SEC24B: variants seen among roughly 807,000 people sequenced by gnomAD.
SEC24B encodes SEC24 homolog B, COPII component, also known as protein transport protein Sec24B.
A neutral mutation model predicts 142.8 loss-of-function variants in SEC24B; 45 were observed. The ratio of observed to expected loss-of-function variants is 0.32; its 90% CI spans 0.25 to 0.40. The LOEUF is 0.40. Ranked by LOEUF, SEC24B falls within the 10% of genes least tolerant of loss-of-function variation. The pLI, the probability that SEC24B is intolerant of heterozygous loss-of-function variation, is 1.00. For synonymous variants in SEC24B, 574 were observed against 568.2 expected, an observed-to-expected ratio of 1.01 and a Z score of -0.15; for missense variants, 1,409 against 1,526.8, an observed-to-expected ratio of 0.92 and a Z score of 1.29.
chr4:109,516,049 A>AG (rs1722826398), intron 10 of SEC24B, among the ~76,000 whole-genome samples: 2 of 129,228 alleles, frequency 1.5e-5, no homozygotes. Flanking sequence ...CTCTGTCTCC[A>AG]AAAAAAAGAA....
chr4:109,521,105 T>C lies in SEC24B; in HGVS notation c.2246-12T>C, dbSNP rs760017729. ...TTCGATTTGTTGATTAAAATATGTG[T>C]TTTCCCTATAGATGTTTTTCTACCT... On this transcript the variant is annotated splice_polypyrimidine_tract_variant and intron_variant, in intron 12 of 23. Transcript: ENST00000265175. The C allele has an allele frequency of 8.8e-6, 13 of 1,471,250 alleles. No individual in the cohort carries two copies. The highest frequency in any genetic ancestry group is 1.1e-5 in the Non-Finnish European group (12 of 1,056,118). 91.1% of individuals were successfully genotyped at this position (1,471,250 alleles called of 1,614,324 possible).
intron 10 of SEC24B, among the ~76,000 whole-genome samples, chr4:109,515,751 A>G (rs1398669379): frequency 1.3e-5 from 2 of 152,108 alleles, no homozygotes; most frequent in African/African-American, 2.4e-5. Context: ...CAAAGAATGT[A>G]TTTAAAGGCC....
intron 2 of SEC24B, among the ~76,000 whole-genome samples, chr4:109,469,622 A>G (rs1392829429): frequency 1.3e-5 from 2 of 152,250 alleles, no homozygotes; most frequent in Non-Finnish European, 2.9e-5. Context: ...AATCTGAAGG[A>G]TAAAGTCTCC....
At chr4:109,484,209 C>G (rs1734113771) in intron 4 of SEC24B, among the ~76,000 whole-genome samples, 1 of 152,170 alleles carries the variant, frequency 6.6e-6, no homozygotes, top group Non-Finnish European at 1.5e-5. Flanking sequence ...CTTTCCTTGC[C>G]TTTACATTTT....
chr4:109,522,440 A>T (rs34502105), intron 14 of SEC24B, among the ~76,000 whole-genome samples: 1 of 152,188 alleles, frequency 6.6e-6, no homozygotes, highest in Admixed American at 6.5e-5. Context: ...GAAATCATTT[A>T]GTCTAACTTT....
chr4:109,461,966 T>G lies in SEC24B; in HGVS notation c.134-935T>G, dbSNP rs537135747. Among the ~76,000 whole-genome samples, 12 of 152,012 alleles carry G rather than the reference T, an allele frequency of 7.9e-5. No homozygotes were observed. In the South Asian group the frequency reaches 2.5e-3, roughly 32 times the overall value. On this transcript the variant is annotated intron_variant, in intron 1 of 23. Coordinates refer to ENST00000265175, the MANE Select transcript of SEC24B (RefSeq NM_006323.5). ...CTACAAGAAAATAAATTTAGAAACA[T>G]TGGCTGGGCCGTGGTGTATGGGAGA...
At chr4:109,434,145 A>T in intron 1 of SEC24B, 143 bp downstream of exon 1, 1 of 483,720 alleles carries the variant, frequency 2.1e-6, no homozygotes, top group Non-Finnish European at 2.6e-6. Context: ...CGCGGTGCGG[A>T]GGCCGCGGGG....
intron 6 of SEC24B, among the ~76,000 whole-genome samples, chr4:109,502,738 A>T (rs944814659): frequency 6.6e-6 from 1 of 152,238 alleles, no homozygotes; most frequent in Admixed American, 6.5e-5. Flanking sequence ...TTGGTCAAGT[A>T]TGGAGAAATA....
chr4:109,496,460 GTTCTC>G (rs1282506092), intron 6 of SEC24B, among the ~76,000 whole-genome samples: 146 of 152,268 alleles, frequency 9.6e-4, no homozygotes, highest in African/African-American at 3.0e-3. Context: ...ACAGAAAACT[GTTCTC>G]AGTTGACTAA....
chr4:109,516,878 A>T (rs1465283183), intron 11 of SEC24B, among the ~76,000 whole-genome samples: 2 of 152,166 alleles, frequency 1.3e-5, no homozygotes, highest in African/African-American at 2.4e-5. Flanking sequence ...GATCTCATCT[A>T]ACTGTCTGAC....
chr4:109,519,517 A>G (rs1723374728), intron 11 of SEC24B, among the ~76,000 whole-genome samples: 1 of 152,224 alleles, frequency 6.6e-6, no homozygotes, highest in African/African-American at 2.4e-5. Context: ...TTTCAGCTCA[A>G]CTTTGTGTAT....
At chr4:109,438,343 TCA>T (rs1291029037) in intron 1 of SEC24B, among the ~76,000 whole-genome samples, 2 of 152,356 alleles carry the variant, frequency 1.3e-5, no homozygotes, top group African/African-American at 4.8e-5. Context: ...AGACAGAATC[TCA>T]CTCTGTCACC....
At chr4:109,491,236 T>A (rs1263808697) in intron 4 of SEC24B, 91 bp from the exon 5 acceptor site, 7 of 945,932 alleles carry the variant, frequency 7.4e-6, no homozygotes, top group Non-Finnish European at 1.2e-5. Context: ...TTTTCCTAGT[T>A]CCGCAAAAAC....
chr4:109,491,453 AC>A, intron 5 of SEC24B, 46 bp downstream of exon 5: 1 of 1,410,300 alleles, frequency 7.1e-7, no homozygotes, highest in Non-Finnish European at 1.0e-6. Flanking sequence ...AAAGTTATTG[AC>A]CATCAGTTGC....
At chr4:109,532,843 A>C in intron 21 of SEC24B, 100 bp downstream of exon 21, 1 of 616,864 alleles carries the variant, frequency 1.6e-6, no homozygotes. Flanking sequence ...AAGTAGTGAA[A>C]GGTGAATTAG....
rs1733588346 is a variant in SEC24B at position 109,480,151 on chromosome 4, G to C, written c.1061-1526G>C. 2.0e-5 allele frequency among the ~76,000 whole-genome samples: 3 copies of C among 152,136 alleles called. No individual in the cohort carries two copies. In the South Asian group the frequency reaches 6.2e-4, roughly 32 times the overall value. On this transcript the variant is annotated intron_variant, in intron 3 of 23. Coordinates refer to ENST00000265175, the MANE Select transcript of SEC24B (RefSeq NM_006323.5). ...TGACTTTTTTTAGTCATTGTTGAAAGATCAAAGCTTCATTCATCTACAGTT... is the reference window on the plus strand; with the variant it reads ...TGACTTTTTTTAGTCATTGTTGAAACATCAAAGCTTCATTCATCTACAGTT...
chr4:109,475,853 C>G (rs1291847800), intron 3 of SEC24B, among the ~76,000 whole-genome samples: 2 of 152,054 alleles, frequency 1.3e-5, no homozygotes, highest in African/African-American at 4.8e-5. Flanking sequence ...TCTTTTATCA[C>G]TCTATTGTGC....
intron 20 of SEC24B, among the ~76,000 whole-genome samples, chr4:109,532,072 G>GCCTCAAACTCCTGA (rs1724989934): frequency 6.6e-6 from 1 of 152,016 alleles, no homozygotes; most frequent in Non-Finnish European, 1.5e-5. Context: ...GGCCAGGCTG[G>GCCTCAAACTCCTGA]CCTCAAACTC....
intron 3 of SEC24B, among the ~76,000 whole-genome samples, chr4:109,478,147 G>A (rs6851756): frequency 0.019 from 2,935 of 152,126 alleles, 100 homozygotes; most frequent in African/African-American, 0.067. Flanking sequence ...TTAGCTGGGC[G>A]TGATGGCACA....
Sources: gnomAD v4.1 joint callset for allele counts (sites outside exome capture counted in the v4.1 genomes callset) on GRCh38, gnomAD v4.1.1 for gene constraint, MANE v1.5 for transcripts, NCBI Gene and HGNC (gene_info 2026-07-23, HGNC 2026-07-21) for gene names.